KCNN2: variants seen among roughly 807,000 people sequenced by gnomAD.
KCNN2 encodes the protein potassium calcium-activated channel subfamily N member 2.
Under a neutral mutation model 55.5 loss-of-function variants are expected in KCNN2, and 24 were observed. The observed-to-expected ratio is 0.43, with a 90% CI of 0.31 to 0.61. The LOEUF is 0.61. Among genes scored for constraint, KCNN2 ranks in the 20% least tolerant of loss-of-function variants. The pLI is 0.08. For missense variants in KCNN2, 754 were observed against 853.6 expected, an observed-to-expected ratio of 0.88 and a Z score of 1.45; for synonymous variants, 431 against 336.1, an observed-to-expected ratio of 1.28 and a Z score of -3.09.
chr5:114,493,516 T>TC (rs1561419694), intron 7 of KCNN2, 44 bp downstream of exon 7: 1 of 1,268,986 alleles, frequency 7.9e-7, no homozygotes, highest in African/African-American at 1.5e-5. Flanking sequence ...TCTGTTGAAA[T>TC]CAACCACTTC....
chr5:114,416,142 C>T (rs1349766685), intron 3 of KCNN2, among the ~76,000 whole-genome samples: 1 of 152,158 alleles, frequency 6.6e-6, no homozygotes, highest in Non-Finnish European at 1.5e-5. Context: ...CCAGTTCTTG[C>T]GTTGCTTTGA....
At chr5:114,382,030 G>GA (rs1258275971) in intron 2 of KCNN2, among the ~76,000 whole-genome samples, 1 of 152,186 alleles carries the variant, frequency 6.6e-6, no homozygotes, top group Non-Finnish European at 1.5e-5. Context: ...GTACTTGCAT[G>GA]AAAATGACAG....
At chr5:114,380,252 A>G (rs1026588066) in intron 2 of KCNN2, among the ~76,000 whole-genome samples, 1 of 152,158 alleles carries the variant, frequency 6.6e-6, no homozygotes, top group African/African-American at 2.4e-5. Flanking sequence ...TCTAACGTGG[A>G]TTAATGTAGT....
chr5:114,344,385 G>T (rs920698860), intron 2 of KCNN2, among the ~76,000 whole-genome samples: 1 of 152,088 alleles, frequency 6.6e-6, no homozygotes, highest in African/African-American at 2.4e-5. Context: ...GGTAAGGTCT[G>T]GGAGGGCTGC....
chr5:114,139,746 C>T (rs1203985299), intron 1 of KCNN2, among the ~76,000 whole-genome samples: 1 of 151,546 alleles, frequency 6.6e-6, no homozygotes, highest in Non-Finnish European at 1.5e-5. Flanking sequence ...ACTGGCTCTA[C>T]ATACTGATCA....
At chr5:114,379,140 T>C (rs6867115) in intron 2 of KCNN2, among the ~76,000 whole-genome samples, 2,136 of 152,082 alleles carry the variant, frequency 0.014, 30 homozygotes, top group Non-Finnish European at 0.017. Context: ...TCATTCCTCT[T>C]AGACCTCCTA....
intron 7 of KCNN2, among the ~76,000 whole-genome samples, chr5:114,495,390 G>C (rs374022534): frequency 9.5e-4 from 144 of 152,248 alleles, no homozygotes; most frequent in South Asian, 7.3e-3. Flanking sequence ...TATCAAACCA[G>C]TTAATCCTAA....
At chr5:114,467,107 C>A (rs1332378029) in intron 4 of KCNN2, among the ~76,000 whole-genome samples, 1 of 152,126 alleles carries the variant, frequency 6.6e-6, no homozygotes, top group Non-Finnish European at 1.5e-5. Flanking sequence ...TTTAACATCA[C>A]ATGGTGACTC....
intron 2 of KCNN2, among the ~76,000 whole-genome samples, chr5:114,400,911 A>G (rs913527571): frequency 3.3e-5 from 5 of 151,256 alleles, no homozygotes; most frequent in African/African-American, 1.2e-4. Flanking sequence ...TCTTTCCTTC[A>G]TAACAATGTC....
chr5:114,096,984 G>T (rs1273734303), intron 1 of KCNN2, among the ~76,000 whole-genome samples: 1 of 142,280 alleles, frequency 7.0e-6, no homozygotes. Context: ...GAGACACCAG[G>T]TAACTGGCCC....
intron 1 of KCNN2, 60 bp from the exon 2 acceptor site, chr5:114,363,846 C>G (rs571407598): frequency 8.4e-7 from 1 of 1,197,552 alleles, no homozygotes. Flanking sequence ...ACTCTGGGGA[C>G]GTGGAAGGCG....
chr5:114,123,130 C>CA (rs1751857942), intron 1 of KCNN2, among the ~76,000 whole-genome samples: 2 of 152,262 alleles, frequency 1.3e-5, no homozygotes, highest in Admixed American at 1.3e-4. Flanking sequence ...AGGCACCACT[C>CA]TTACTGAGGC....
chr5:114,344,728 G>A (rs1386606287), intron 2 of KCNN2, among the ~76,000 whole-genome samples: 3 of 152,202 alleles, frequency 2.0e-5, no homozygotes, highest in Non-Finnish European at 2.9e-5. Context: ...AGCGTTTAGA[G>A]GTTACCTCCC....
intron 5 of KCNN2, among the ~76,000 whole-genome samples, chr5:114,480,544 A>G (rs1396379108): frequency 6.6e-6 from 1 of 152,172 alleles, no homozygotes; most frequent in African/African-American, 2.4e-5. Flanking sequence ...AATCCGGCAG[A>G]GATACAACAA....
intron 2 of KCNN2, among the ~76,000 whole-genome samples, chr5:114,375,491 A>G (rs934735706): frequency 2.0e-5 from 3 of 152,190 alleles, no homozygotes; most frequent in Non-Finnish European, 2.9e-5. Flanking sequence ...GTCAATTTTC[A>G]TAAAGGTAAA....
intron 1 of KCNN2, among the ~76,000 whole-genome samples, chr5:114,215,891 A>G (rs957764459): frequency 5.9e-5 from 9 of 152,206 alleles, no homozygotes; most frequent in Admixed American, 5.2e-4. Flanking sequence ...AATAAGACTA[A>G]GAGATAAATA....
At chr5:114,392,850 TC>T (rs1165080864) in intron 2 of KCNN2, among the ~76,000 whole-genome samples, 1 of 151,540 alleles carries the variant, frequency 6.6e-6, no homozygotes, top group Non-Finnish European at 1.5e-5. Context: ...AATGCTAGTT[TC>T]TAAGGAAGGA....
chr5:114,322,563 A>G (rs1384623668), intron 2 of KCNN2, among the ~76,000 whole-genome samples: 1 of 133,962 alleles, frequency 7.5e-6, no homozygotes, highest in African/African-American at 2.8e-5. Flanking sequence ...GCACATATGC[A>G]TACACTCCCC....
intron 2 of KCNN2, among the ~76,000 whole-genome samples, chr5:114,233,618 T>A (rs6882820): frequency 0.82 from 123,757 of 151,684 alleles, 50,614 homozygotes; most frequent in East Asian, 0.89. Context: ...ATATATACAG[T>A]ATTGTTTTGC....
Sources: allele counts gnomAD v4.1 joint callset (sites outside exome capture counted in the v4.1 genomes callset), GRCh38; gene constraint gnomAD v4.1.1; transcripts MANE v1.5; gene names NCBI Gene and HGNC (gene_info 2026-07-23, HGNC 2026-07-21).